Variants in UVRAG observed in about 807,000 individuals in gnomAD.
UVRAG encodes the protein UV radiation resistance-associated gene protein.
A neutral mutation model predicts 78.0 loss-of-function variants in UVRAG; 19 were observed. The ratio of observed to expected loss-of-function variants is 0.24; its 90% CI spans 0.17 to 0.36. UVRAG has a LOEUF of 0.36. Ranked by LOEUF, UVRAG falls within the 10% of genes least tolerant of loss-of-function variation. UVRAG has a pLI of 1.00. For synonymous variants in UVRAG, 323 were observed against 324.6 expected, an observed-to-expected ratio of 1.00 and a Z score of 0.05; for missense variants, 740 against 853.8, an observed-to-expected ratio of 0.87 and a Z score of 1.66.
At chr11:75,846,303 T>TCCAA (rs10691809) in intron 1 of UVRAG, among the ~76,000 whole-genome samples, 11,550 of 152,222 alleles carry the variant, frequency 0.076, 1,425 homozygotes, top group African/African-American at 0.26. Flanking sequence ...CGCTGTGTTC[T>TCCAA]CCATCTGGTG....
chr11:75,899,275 A>G (rs1947429843), intron 5 of UVRAG, among the ~76,000 whole-genome samples: 1 of 152,290 alleles, frequency 6.6e-6, no homozygotes, highest in Non-Finnish European at 1.5e-5. Context: ...GTGTACTAAC[A>G]GTATTATACT....
chr11:76,039,835 A>G (rs1950609206), intron 12 of UVRAG, among the ~76,000 whole-genome samples: 1 of 152,234 alleles, frequency 6.6e-6, no homozygotes, highest in South Asian at 2.1e-4. Flanking sequence ...AGATTGTGCC[A>G]CTGCACTCCA....
chr11:76,007,640 G>A lies in UVRAG; in HGVS notation c.999+19G>A, dbSNP rs753876692. 6.9e-6 allele frequency: 11 copies of A among 1,598,722 alleles called. No homozygotes were observed. Among genetic ancestry groups the A allele is most frequent in the South Asian group, 2.3e-5 (2 of 88,782 alleles). The stretch of plus-strand genomic sequence containing the variant: ...TGATTTGGTAAGTTTCAAATTTTCT[G>A]AAAATATTTTTCGTTTTGAAAAGAT... On this transcript the variant is annotated intron_variant, in intron 10 of 14. Transcript: ENST00000356136.
intron 13 of UVRAG, among the ~76,000 whole-genome samples, chr11:76,093,641 A>C (rs890147401): frequency 2.0e-5 from 3 of 152,128 alleles, no homozygotes; most frequent in Non-Finnish European, 4.4e-5. Flanking sequence ...GAGTTCACTC[A>C]TGTTTTGGCT....
At chr11:75,982,011 G>A (rs1004878383) in intron 7 of UVRAG, among the ~76,000 whole-genome samples, 6 of 151,450 alleles carry the variant, frequency 4.0e-5, no homozygotes, top group Admixed American at 3.3e-4. Context: ...TCAGAAAATT[G>A]TAACACGTCT....
Position 75,815,515 on chromosome 11 carries a change from G to T in UVRAG, c.108G>T (p.Pro36=). The part of the protein sequence containing the change: ...SAARALHVEL[P]SQQRRLRHLR... ...CGCGGGCCCTGCATGTGGAGCTGCC[G>T]TCTCAGCAGGTAAGCCCGCGCGGCT... Residue 36 remains proline (P), a synonymous_variant, in exon 1 of 15, where the codon CCG becomes CCT. Coordinates refer to ENST00000356136, the MANE Select transcript of UVRAG (RefSeq NM_003369.4). 1 of 1,237,454 alleles carries T rather than the reference G, an allele frequency of 8.1e-7. No homozygotes were observed. The highest frequency in any genetic ancestry group is 1.0e-6 in the Non-Finnish European group (1 of 989,958). 76.7% of individuals were successfully genotyped at this position (1,237,454 alleles called of 1,614,324 possible). A position where few individuals can be genotyped will look rare whatever the true frequency, so the allele number is the denominator to read the frequency against.
intron 13 of UVRAG, among the ~76,000 whole-genome samples, chr11:76,090,647 A>G (rs1951680084): frequency 6.6e-6 from 1 of 152,198 alleles, no homozygotes; most frequent in Non-Finnish European, 1.5e-5. Flanking sequence ...GCCATGTAGT[A>G]TACTGTGATT....
rs182207046 is a variant in UVRAG at position 76,050,699 on chromosome 11, C to A, written c.1227-15011C>A. 7.1e-3 allele frequency among the ~76,000 whole-genome samples: 1,077 copies of A among 152,212 alleles called. 9 individuals are homozygous for A. The highest frequency in any genetic ancestry group is 0.011 in the Non-Finnish European group (756 of 68,006). ...AAAGGTAATAATAATAATTGAATGCCTGCTGTATCCTACTAACTGTGCTGG... is the reference window on the plus strand; with the variant it reads ...AAAGGTAATAATAATAATTGAATGCATGCTGTATCCTACTAACTGTGCTGG... On this transcript the variant is annotated intron_variant, in intron 12 of 14. Transcript: ENST00000356136.
intron 13 of UVRAG, among the ~76,000 whole-genome samples, chr11:76,087,133 C>T (rs1652219719): frequency 6.6e-6 from 1 of 152,202 alleles, no homozygotes; most frequent in South Asian, 2.1e-4. Context: ...ATTTATTTTT[C>T]CTCAGTGAGT....
chr11:75,815,424 C>T lies in UVRAG; in HGVS notation c.17C>T (p.Ser6Leu). The change falls in exon 1 of 15, where the codon TCG (serine) becomes TTG (leucine). Residue 6 changes from serine (S) to leucine (L), a missense_variant. Physicochemically the swap from Ser to Leu is moderately radical, Grantham distance 145 (BLOSUM62 -2). Transcript: ENST00000356136. Reference sequence around the variant, plus strand: ...TGGATCGAGATGAGCGCCTCCGCGTCGGTCGGGGGCCCCGTCCCCCAGCCA... The same window carrying T: ...TGGATCGAGATGAGCGCCTCCGCGTTGGTCGGGGGCCCCGTCCCCCAGCCA... MSASASVGGPVPQPPP... is the reference protein window; with the variant it reads MSASALVGGPVPQPPP... The T allele has an allele frequency of 8.0e-7, 1 of 1,247,684 alleles. No individual in the cohort carries two copies. The highest frequency in any genetic ancestry group is 1.0e-6 in the Non-Finnish European group (1 of 994,860). 77.3% of individuals were successfully genotyped at this position (1,247,684 alleles called of 1,614,324 possible).
At chr11:76,026,332 G>A (rs1423843290) in intron 12 of UVRAG, among the ~76,000 whole-genome samples, 3 of 152,024 alleles carry the variant, frequency 2.0e-5, no homozygotes, top group Non-Finnish European at 4.4e-5. Flanking sequence ...AACACCTGTT[G>A]ACAACATCTT....
At chr11:75,877,306 G>C (rs1263033096) in intron 3 of UVRAG, among the ~76,000 whole-genome samples, 8 of 152,056 alleles carry the variant, frequency 5.3e-5, no homozygotes, top group Admixed American at 6.5e-5. Context: ...ACCTTTCCCC[G>C]CTTTCTATTC....
chr11:75,880,115 G>T (rs1485925107), intron 4 of UVRAG, 75 bp downstream of exon 4: 2 of 1,539,008 alleles, frequency 1.3e-6, no homozygotes, highest in African/African-American at 1.4e-5. Flanking sequence ...TGATTCTTCT[G>T]ATTCTGCGTT....
chr11:75,828,892 G>GT (rs1483779458), intron 1 of UVRAG, among the ~76,000 whole-genome samples: 2 of 145,082 alleles, frequency 1.4e-5, no homozygotes, highest in South Asian at 2.2e-4. Context: ...AATTTTTGTA[G>GT]TTTTTTTTGG....
At chr11:76,111,029 T>G (rs1208858711) in intron 13 of UVRAG, among the ~76,000 whole-genome samples, 2 of 152,004 alleles carry the variant, frequency 1.3e-5, no homozygotes, top group Non-Finnish European at 2.9e-5. Context: ...AATTTTTGCA[T>G]TTTTAGTAGA....
chr11:76,067,402 C>T (rs958821075), intron 13 of UVRAG, among the ~76,000 whole-genome samples: 19 of 152,150 alleles, frequency 1.2e-4, no homozygotes, highest in Admixed American at 7.9e-4. Context: ...GCTCCCACTC[C>T]GCTGATCACA....
intron 1 of UVRAG, among the ~76,000 whole-genome samples, chr11:75,850,787 C>T (rs1946139162): frequency 6.6e-6 from 1 of 152,114 alleles, no homozygotes; most frequent in South Asian, 2.1e-4. Flanking sequence ...TTAGAGTAAG[C>T]CCAGGAAACT....
intron 13 of UVRAG, among the ~76,000 whole-genome samples, chr11:76,094,942 G>C (rs1225203485): frequency 6.6e-6 from 1 of 152,128 alleles, no homozygotes; most frequent in Non-Finnish European, 1.5e-5. Flanking sequence ...GGATGTTCCA[G>C]TCATCCCGCT....
intron 14 of UVRAG, among the ~76,000 whole-genome samples, chr11:76,126,282 C>A (rs1452140585): frequency 6.6e-6 from 1 of 152,032 alleles, no homozygotes; most frequent in South Asian, 2.1e-4. Context: ...AACAGGTAAG[C>A]TAATTTTAAT....
Sources: gnomAD v4.1 joint callset for allele counts (sites outside exome capture counted in the v4.1 genomes callset) on GRCh38, gnomAD v4.1.1 for gene constraint, MANE v1.5 for transcripts, NCBI Gene and HGNC (gene_info 2026-07-23, HGNC 2026-07-21) for gene names.